Variants in USP54 observed in about 807,000 individuals in gnomAD.
USP54 encodes the protein ubiquitin carboxyl-terminal hydrolase 54.
In USP54, 87 loss-of-function variants were observed where a neutral mutation model predicts 170.5. The observed-to-expected ratio is 0.51, with a 90% CI of 0.43 to 0.61. The LOEUF is 0.61. Among genes scored for constraint, USP54 ranks in the 20% least tolerant of loss-of-function variants. The probability of loss-of-function intolerance (pLI) is 0.00; values close to 1 mark genes in which losing one functional copy is unlikely to be tolerated. For synonymous variants in USP54, 655 were observed against 742.8 expected, an observed-to-expected ratio of 0.88 and a Z score of 1.92; for missense variants, 1,786 against 2,047.8, an observed-to-expected ratio of 0.87 and a Z score of 2.47.
intron 21 of USP54, 111 bp from the exon 22 acceptor site, chr10:73,505,101 A>G: frequency 6.9e-7 from 1 of 1,456,016 alleles, no homozygotes; most frequent in Non-Finnish European, 9.5e-7. Flanking sequence ...CAGTAGTAAT[A>G]GACACCTGAA....
At chr10:73,545,402 G>GA (rs2067565613) in intron 5 of USP54, 136 bp downstream of exon 5, 1 of 1,214,326 alleles carries the variant, frequency 8.2e-7, no homozygotes, top group Non-Finnish European at 1.1e-6. Context: ...TTAGATCCCT[G>GA]AAAAATCAGA....
chr10:73,544,919 G>A (rs1391305195), intron 5 of USP54, among the ~76,000 whole-genome samples: 2 of 151,850 alleles, frequency 1.3e-5, no homozygotes. Flanking sequence ...TCGCTACGTT[G>A]GCCAGGCTAG....
In USP54 at chr10:73,523,884, TTATTATTA is replaced by T. The variant is rs368732089; in HGVS notation, c.2195-142_2195-135del. 2.9e-3 allele frequency: 494 copies of T among 168,778 alleles called. 24 individuals are homozygous for T. The highest frequency in any genetic ancestry group is 7.3e-3 in the South Asian group (34 of 4,644). The allele number at this position is 168,778 out of a possible 1,614,324, so 10.5% of individuals were successfully genotyped here. On this transcript the variant is annotated intron_variant, in intron 16 of 23. Coordinates refer to ENST00000687698, the MANE Select transcript of USP54 (RefSeq NM_001391956.1). ...TTGGAGTTTATTTATTTATTATTTA[TTATTATTA>T]TTATTATTATTATTATTATTATTAT...
intron 16 of USP54, among the ~76,000 whole-genome samples, chr10:73,525,882 T>C (rs2062759111): frequency 6.6e-6 from 1 of 152,258 alleles, no homozygotes. Flanking sequence ...TCAAGAGAAT[T>C]GGTAGTAAGA....
At chr10:73,550,215 C>T (rs549256688) in intron 4 of USP54, among the ~76,000 whole-genome samples, 1 of 152,306 alleles carries the variant, frequency 6.6e-6, no homozygotes, top group African/African-American at 2.4e-5. Flanking sequence ...TGGGCCACCA[C>T]GCCCAGCCAT....
At position 73,576,356 on chromosome 10, in the gene USP54, A is replaced by G. The variant is rs1425906889; in HGVS notation, c.-576T>C. 1 of 152,200 alleles carries G rather than the reference A, an allele frequency of 6.6e-6. No homozygotes were observed. Among genetic ancestry groups the G allele is most frequent in the Non-Finnish European group, 1.5e-5 (1 of 68,054 alleles). The allele number at this position is 152,200 out of a possible 1,614,324, so 9.4% of individuals were successfully genotyped here. A position where few individuals can be genotyped will look rare whatever the true frequency, so the allele number is the denominator to read the frequency against. On this transcript the variant is annotated 5_prime_UTR_variant, in exon 2 of 24. Coordinates refer to ENST00000687698, the MANE Select transcript of USP54 (RefSeq NM_001391956.1). ...TGGGACTAGAATAGCCAGCTGTGTCAGAGAGCTTTAACAGAAATAAAAAAA... is the reference window on the plus strand; with the variant it reads ...TGGGACTAGAATAGCCAGCTGTGTCGGAGAGCTTTAACAGAAATAAAAAAA...
intron 1 of USP54, among the ~76,000 whole-genome samples, chr10:73,586,069 G>A (rs763211321): frequency 2.0e-5 from 3 of 152,050 alleles, no homozygotes; most frequent in East Asian, 1.9e-4. Context: ...TGGCACCAGC[G>A]TAAAGTTTGA....
chr10:73,513,187 T>A (rs1206518340), intron 20 of USP54: 6 of 152,146 alleles, frequency 3.9e-5, no homozygotes, highest in Non-Finnish European at 8.8e-5. Context: ...TGGCTCACCT[T>A]ATAGTCACTT....
At position 73,505,312 on chromosome 10, in the gene USP54, G is replaced by C; in HGVS notation, c.4166C>G (p.Ser1389Cys). 1 of 1,613,392 alleles carries C rather than the reference G, an allele frequency of 6.2e-7. No homozygotes were observed. Among genetic ancestry groups the C allele is most frequent in the South Asian group, 1.1e-5 (1 of 90,966 alleles). ...GLHEARTVRT[S>C]QATPCRGLSR... Reference sequence around the variant, plus strand: ...CTTAGCACCTGAGGCTGCTACCTGAGAAGTACGCACTGTTCTGGCTTCATG... The same window carrying C: ...CTTAGCACCTGAGGCTGCTACCTGACAAGTACGCACTGTTCTGGCTTCATG... The change falls in exon 21 of 24, where the codon TCT (serine) becomes TGT (cysteine). Residue 1389 changes from serine to cysteine, a missense_variant. Physicochemically the swap from Ser to Cys is moderately radical, Grantham distance 112. This residue lies in a region of USP54 where 1,418 missense variants were observed against 1,569.0 expected (regional missense o/e 0.90). Coordinates refer to ENST00000687698, the MANE Select transcript of USP54 (RefSeq NM_001391956.1).
upstream of USP54, among the ~76,000 whole-genome samples, chr10:73,594,606 T>C (rs758227374): frequency 6.6e-6 from 1 of 150,682 alleles, no homozygotes; most frequent in African/African-American, 2.4e-5. Flanking sequence ...GGTCTTAGTA[T>C]GTTACCTAGG....
chr10:73,515,769 C>G (rs1318145782), intron 20 of USP54: 1 of 151,708 alleles, frequency 6.6e-6, no homozygotes, highest in Non-Finnish European at 1.5e-5. Flanking sequence ...TCTCAAACAC[C>G]TATGAACCAT....
At chr10:73,509,440 A>G (rs1429567662) in intron 20 of USP54, among the ~76,000 whole-genome samples, 2 of 133,408 alleles carry the variant, frequency 1.5e-5, no homozygotes, top group Admixed American at 7.7e-5. Flanking sequence ...TGTCTCTACC[A>G]AAAAAAAAAA....
intron 1 of USP54, among the ~76,000 whole-genome samples, chr10:73,616,781 C>T (rs1227104728): frequency 1.3e-5 from 2 of 150,434 alleles, no homozygotes; most frequent in Non-Finnish European, 2.9e-5. Flanking sequence ...GCTGAGCTCA[C>T]ACCACTGCAC....
chr10:73,567,777 CA>C (rs1159957631), intron 4 of USP54, among the ~76,000 whole-genome samples: 2 of 152,202 alleles, frequency 1.3e-5, no homozygotes, highest in African/African-American at 4.8e-5. Context: ...TTTTTTGTAA[CA>C]GTCATATCAT....
At chr10:73,586,465 C>T (rs979360660) in intron 1 of USP54, among the ~76,000 whole-genome samples, 2 of 152,148 alleles carry the variant, frequency 1.3e-5, no homozygotes, top group African/African-American at 2.4e-5. Context: ...TATTTGGGTA[C>T]GTGGACTACA....
At chr10:73,561,250 C>T (rs1344425276) in intron 4 of USP54, among the ~76,000 whole-genome samples, 1 of 151,970 alleles carries the variant, frequency 6.6e-6, no homozygotes, top group Non-Finnish European at 1.5e-5. Context: ...AAGAGTTGAG[C>T]TATTTTCCCA....
intron 4 of USP54, among the ~76,000 whole-genome samples, chr10:73,569,521 C>T (rs947834526): frequency 3.3e-5 from 5 of 152,056 alleles, no homozygotes; most frequent in Admixed American, 6.6e-5. Context: ...ATGGCTCACG[C>T]CTGTAATCCC....
At chr10:73,613,783 AG>A (rs1307488067) in intron 1 of USP54, among the ~76,000 whole-genome samples, 1 of 151,758 alleles carries the variant, frequency 6.6e-6, no homozygotes, top group African/African-American at 2.4e-5. Flanking sequence ...GAAGGCTGAG[AG>A]GGAAGAATCA....
At chr10:73,502,283 C>CA (rs2058289867) in intron 22 of USP54, among the ~76,000 whole-genome samples, 1 of 152,138 alleles carries the variant, frequency 6.6e-6, no homozygotes. Flanking sequence ...CCAGTCCTCT[C>CA]AGCATGTGAC....
Sources: gnomAD v4.1 joint callset for allele counts (sites outside exome capture counted in the v4.1 genomes callset) on GRCh38, gnomAD v4.1.1 for gene constraint, gnomAD v4.1.1 regional missense constraint, MANE v1.5 for transcripts, NCBI Gene and HGNC (gene_info 2026-07-23, HGNC 2026-07-21) for gene names.